Variants in DRC7 observed in about 807,000 individuals in gnomAD.
The protein encoded by DRC7 is coiled-coil domain containing 135.
A neutral mutation model predicts 104.4 loss-of-function variants in DRC7; 80 were observed. The observed-to-expected ratio is 0.77, with a 90% confidence interval of 0.64 to 0.92. The LOEUF (loss-of-function observed/expected upper bound fraction) is 0.92, where lower values mean the gene tolerates loss of function less well. Among genes scored for constraint, DRC7 ranks in the 40% least tolerant of loss-of-function variants. The pLI, the probability that DRC7 is intolerant of heterozygous loss-of-function variation, is 0.00. For synonymous variants in DRC7, 405 were observed against 447.3 expected (o/e 0.91, Z 1.19); for missense variants, 1,034 against 1,141.1 (o/e 0.91, Z 1.35).
chr16:57,729,144 GGA>G, intron 17 of DRC7, among the ~76,000 whole-genome samples: 1 of 138,106 alleles, frequency 7.2e-6, no homozygotes, highest in South Asian at 2.3e-4. Context: ...ATGAATGGAT[GGA>G]TGGGTGGATG....
At chr16:57,697,813 C>T in intron 2 of DRC7, 100 bp from the exon 3 acceptor site, 1 of 1,388,416 alleles carries the variant, frequency 7.2e-7, no homozygotes, top group Non-Finnish European at 9.7e-7. Flanking sequence ...GACACCTCCT[C>T]AAAACCATCT....
intron 8 of DRC7, among the ~76,000 whole-genome samples, chr16:57,712,007 T>C (rs1417571291): frequency 6.6e-6 from 1 of 152,220 alleles, no homozygotes; most frequent in African/African-American, 2.4e-5. Context: ...GCATGACTCC[T>C]AAACCATAAT....
Position 57,731,184 on chromosome 16 carries a change from C to T in DRC7, c.2551C>T (p.Leu851=), listed in dbSNP as rs577722042. 1.2e-6 allele frequency: 2 copies of T among 1,613,896 alleles called. No individual in the cohort carries two copies. Among genetic ancestry groups the T allele is most frequent in the African/African-American group, 1.3e-5 (1 of 75,050 alleles). Residue 851 remains leucine (L), a synonymous_variant, in exon 19 of 19, where the codon CTG becomes TTG. Coordinates refer to ENST00000360716, the MANE Select transcript of DRC7 (RefSeq NM_001289162.2). ...RLNRHKELAP[L]KYLALEEKLY... is the part of the protein sequence containing the mutation. ...CTTCAGACACAAGGAACTGGCCCCA[C>T]TGAAGTACCTGGCTCTGGAGGAAAA...
chr16:57,728,683 G>GTA, intron 17 of DRC7, 99 bp downstream of exon 17: 6 of 1,001,132 alleles, frequency 6.0e-6, no homozygotes, highest in Non-Finnish European at 8.5e-6. Flanking sequence ...GGCTTGTGAG[G>GTA]GCCTGATGAC....
Position 57,697,897 on chromosome 16 carries a change from T to C in DRC7, c.-37-16T>C, listed in dbSNP as rs2048613279. On this transcript the variant is annotated splice_polypyrimidine_tract_variant and intron_variant, in intron 2 of 18. Transcript: ENST00000360716. ...GCTGACAGTCGGCCATGGAGTATAC[T>C]TACCCTTCCCCACAGAGACATTCCA... 1.3e-6 allele frequency: 2 copies of C among 1,586,708 alleles called. No homozygotes were observed. Among genetic ancestry groups the C allele is most frequent in the Non-Finnish European group, 1.7e-6 (2 of 1,166,650 alleles).
At chr16:57,721,016 G>A (rs2048896037) in intron 9 of DRC7, among the ~76,000 whole-genome samples, 1 of 151,922 alleles carries the variant, frequency 6.6e-6, no homozygotes, top group African/African-American at 2.4e-5. Context: ...TGGGCAACAC[G>A]GTGAGACACC....
rs1474167578 is a variant in DRC7 at position 57,704,940 on chromosome 16, G to A, written c.764G>A (p.Cys255Tyr). The A allele has an allele frequency of 1.9e-6, 3 of 1,613,884 alleles. No homozygotes were observed. Among genetic ancestry groups the A allele is most frequent in the Admixed American group, 3.3e-5 (2 of 60,014 alleles). The change falls in exon 7 of 19, where the codon TGC (cysteine) becomes TAC (tyrosine). Residue 255 changes from cysteine to tyrosine, a missense_variant. Coordinates refer to ENST00000360716, the MANE Select transcript of DRC7 (RefSeq NM_001289162.2). Reference sequence around the variant, plus strand: ...ACCATCAAACCCCCCAGGGACCTGTGCAGCAGGTTTGAGCAGGAGCAAGAG... The same window carrying A: ...ACCATCAAACCCCCCAGGGACCTGTACAGCAGGTTTGAGCAGGAGCAAGAG... ...KYTIKPPRDL[C>Y]SRFEQEQEVK...
rs758765507 is a variant in DRC7 at position 57,715,110 on chromosome 16, C to T, written c.1078-3237C>T. ...TCACCCAGGCTGGAGTGCAGTGGCG[C>T]GATCTTGGCACACTGCAATCCCCGC... On this transcript the variant is annotated intron_variant, in intron 8 of 18. Transcript: ENST00000360716. 2.8e-4 allele frequency among the ~76,000 whole-genome samples: 43 copies of T among 151,386 alleles called. 1 individual carries two copies. Among genetic ancestry groups the T allele is most frequent in the African/African-American group, 1.7e-4 (7 of 41,182 alleles).
rs1306581720 is a variant in DRC7, at chr16:57,700,199, A to G, written c.433A>G (p.Asn145Asp). 2 of 1,614,104 alleles carry G rather than the reference A, an allele frequency of 1.2e-6. No homozygotes were observed. The highest frequency in any genetic ancestry group is 3.3e-5 in the Admixed American group (2 of 60,012). ...PTLMPYPELY[N>D]WDSCAQFVSD... Reference sequence around the variant, plus strand: ...ACTGATGCCCTACCCCGAGCTCTACAACTGGGACAGCTGTGCCCAGTTTGT... The same window carrying G: ...ACTGATGCCCTACCCCGAGCTCTACGACTGGGACAGCTGTGCCCAGTTTGT... Residue 145 changes from asparagine (N) to aspartate (D), a missense_variant, in exon 5 of 19, where the codon AAC (asparagine) becomes GAC (aspartate). Asn to Asp is a conservative substitution (Grantham distance 23). Coordinates refer to ENST00000360716, the MANE Select transcript of DRC7 (RefSeq NM_001289162.2).
intron 7 of DRC7, among the ~76,000 whole-genome samples, chr16:57,706,091 CCCA>C (rs2048720995): frequency 6.8e-6 from 1 of 146,624 alleles, no homozygotes; most frequent in Admixed American, 6.8e-5. Flanking sequence ...CATCCATCCT[CCCA>C]TCCATCCATC....
At chr16:57,698,563 G>T (rs1395910882) in intron 3 of DRC7, among the ~76,000 whole-genome samples, 1 of 152,186 alleles carries the variant, frequency 6.6e-6, no homozygotes, top group Admixed American at 6.5e-5. Flanking sequence ...GTGTGGTGGT[G>T]CCTATAGTCC....
Position 57,730,111 on chromosome 16 carries a change from G to A in DRC7, c.2392-820G>A, listed in dbSNP as rs368529309. Among the ~76,000 whole-genome samples the A allele has an allele frequency of 1.8e-3, 241 of 134,006 alleles. 8 individuals carry two copies. The South Asian group carries it at 0.054, about 30-fold the overall frequency. 87.9% of individuals were successfully genotyped at this position (134,006 alleles called of 152,430 possible). A position where few individuals can be genotyped will look rare whatever the true frequency, so the allele number is the denominator to read the frequency against. On this transcript the variant is annotated intron_variant, in intron 17 of 18. Transcript: ENST00000360716. ...TGGGTGGGTGGATGAGTGAGTGAGCGGGTGGGTGGATGGATGAGTGGGTGG... is the reference window on the plus strand; with the variant it reads ...TGGGTGGGTGGATGAGTGAGTGAGCAGGTGGGTGGATGGATGAGTGGGTGG...
At chr16:57,724,125 C>G (rs1181437761) in intron 12 of DRC7, among the ~76,000 whole-genome samples, 2 of 151,998 alleles carry the variant, frequency 1.3e-5, no homozygotes, top group Non-Finnish European at 2.9e-5. Context: ...GCCTGGCCAA[C>G]ATGGTGAAAC....
rs750824172 is a variant in DRC7 at position 57,726,837 on chromosome 16, G to A, written c.1980G>A (p.Glu660=). Residue 660 remains glutamate (E), a synonymous_variant, in exon 15 of 19, where the codon GAG becomes GAA. Coordinates refer to ENST00000360716, the MANE Select transcript of DRC7 (RefSeq NM_001289162.2). ...TPDMCISFEV[E]PMEHTKKLLY... ...TAAGGTGGTTGTTGTCCCAGGTGGA[G>A]CCCATGGAGCACACCAAGAAGCTGC... 2 of 1,609,184 alleles carry A rather than the reference G, an allele frequency of 1.2e-6. No homozygotes were observed. The highest frequency in any genetic ancestry group is 2.2e-5 in the East Asian group (1 of 44,852).
In DRC7 at chr16:57,730,974, A is replaced by C; in HGVS notation, c.2435A>C (p.Asn812Thr). Residue 812 changes from asparagine to threonine, a missense_variant, in exon 18 of 19, where the codon AAC becomes ACC. Coordinates refer to ENST00000360716, the MANE Select transcript of DRC7 (RefSeq NM_001289162.2). Reference sequence around the variant, plus strand: ...AAGAAGCAGCAGTGGTACCAGGAGAACCAGGTGACGCTGACACCCGAGGAT... The same window carrying C: ...AAGAAGCAGCAGTGGTACCAGGAGACCCAGGTGACGCTGACACCCGAGGAT... ...LQKKQQWYQE[N>T]QVTLTPEDED... is the part of the protein sequence containing the mutation. 1 of 1,613,554 alleles carries C rather than the reference A, an allele frequency of 6.2e-7. No homozygotes were observed. The highest frequency in any genetic ancestry group is 1.1e-5 in the South Asian group (1 of 91,080).
chr16:57,730,039 CGGATGGACGGAT>C (rs1291896363), intron 17 of DRC7, among the ~76,000 whole-genome samples: 1 of 95,778 alleles, frequency 1.0e-5, no homozygotes, highest in African/African-American at 4.2e-5. Flanking sequence ...AGTGGAAGGA[CGGATGGACGGAT>C]GGATGGATGG....
chr16:57,725,384 G>C (rs1187217659), intron 13 of DRC7: 3 of 156,382 alleles, frequency 1.9e-5, no homozygotes, highest in African/African-American at 7.2e-5. Context: ...TTGGTGGGGG[G>C]ACACGAAACT....
chr16:57,702,704 G>C (rs1426276577), intron 6 of DRC7, among the ~76,000 whole-genome samples: 1 of 152,178 alleles, frequency 6.6e-6, no homozygotes, highest in African/African-American at 2.4e-5. Flanking sequence ...AGGAGGCTGA[G>C]ACAGGAGAAT....
chr16:57,697,523 G>A (rs1005848167), intron 2 of DRC7, among the ~76,000 whole-genome samples: 1 of 151,904 alleles, frequency 6.6e-6, no homozygotes, highest in Non-Finnish European at 1.5e-5. Flanking sequence ...AGCCATGATC[G>A]TGCTGCTGCA....
Sources: gnomAD v4.1 joint callset for allele counts (sites outside exome capture counted in the v4.1 genomes callset) on GRCh38, gnomAD v4.1.1 for gene constraint, MANE v1.5 for transcripts, NCBI Gene and HGNC (gene_info 2026-07-23, HGNC 2026-07-21) for gene names.